ZNF460: variants seen among roughly 807,000 people sequenced by gnomAD.
ZNF460 encodes zinc finger protein 272.
Under a neutral mutation model 8.4 loss-of-function variants are expected in ZNF460, and 1 was observed. The observed-to-expected ratio is 0.12, with a 90% CI of 0.04 to 0.56. The LOEUF is 0.56. ZNF460 is among the 20% of genes least tolerant of loss of function. ZNF460 has a pLI of 0.91. For synonymous variants in ZNF460, 262 were observed against 259.9 expected (o/e 1.01, Z -0.08); for missense variants, 477 against 714.8 (o/e 0.67, Z 3.79).
At position 57,291,399 on chromosome 19, in the gene ZNF460, A is replaced by G; in HGVS notation, c.858A>G (p.Gly286=). 1.2e-6 allele frequency: 2 copies of G among 1,613,942 alleles called. No homozygotes were observed. The highest frequency in any genetic ancestry group is 2.2e-5 in the South Asian group (2 of 91,064). ...GEKPFVCNEC[G]KAFTYRSNFV... is the part of the protein sequence containing the mutation. ...AGCCTTTTGTGTGCAATGAATGTGGAAAGGCCTTTACCTACCGCTCCAATT... is the reference window on the plus strand; with the variant it reads ...AGCCTTTTGTGTGCAATGAATGTGGGAAGGCCTTTACCTACCGCTCCAATT... The change falls in exon 3 of 3, where the codon GGA becomes GGG. Residue 286 remains glycine, a synonymous_variant. Transcript: ENST00000360338. The surrounding 1 kb of genome is among the most constrained non-coding windows in gnomAD (Gnocchi z 8.4).
At chr19:57,284,750 C>T in intron 2 of ZNF460, 73 bp downstream of exon 2, 1 of 1,471,482 alleles carries the variant, frequency 6.8e-7, no homozygotes, top group Non-Finnish European at 9.0e-7. Flanking sequence ...CATCCTGGCT[C>T]CAGGCCTGGC....
At chr19:57,283,502 CTTT>C (rs926242067) in intron 1 of ZNF460, among the ~76,000 whole-genome samples, 12,866 of 67,534 alleles carry the variant, frequency 0.19, 491 homozygotes, top group Middle Eastern at 0.23. Flanking sequence ...TTTGACTATT[CTTT>C]TTTTTTTTTT....
Position 57,292,155 on chromosome 19 carries a change from A to C in ZNF460, c.1614A>C (p.Glu538Asp). 3 of 1,614,206 alleles carry C rather than the reference A, an allele frequency of 1.9e-6. No homozygotes were observed. The highest frequency in any genetic ancestry group is 2.5e-6 in the Non-Finnish European group (3 of 1,180,042). ...ESSPVSAVNM[E>D]TPSIAAHSSS... Reference sequence around the variant, plus strand: ...GCCCAGTGAGTGCAGTGAATATGGAAACGCCTTCAATTGCCGCTCATTCCT... The same window carrying C: ...GCCCAGTGAGTGCAGTGAATATGGACACGCCTTCAATTGCCGCTCATTCCT... Residue 538 changes from glutamate to aspartate, a missense_variant, in exon 3 of 3, where the codon GAA becomes GAC. Coordinates refer to ENST00000360338, the MANE Select transcript of ZNF460 (RefSeq NM_006635.4).
intron 2 of ZNF460, among the ~76,000 whole-genome samples, chr19:57,289,475 A>G (rs1236797542): frequency 6.6e-6 from 1 of 152,080 alleles, no homozygotes; most frequent in African/African-American, 2.4e-5. Flanking sequence ...TAAGCTCATG[A>G]AGCATCCTCT....
At chr19:57,284,291 T>A (rs2087863730) in intron 1 of ZNF460, among the ~76,000 whole-genome samples, 1 of 151,852 alleles carries the variant, frequency 6.6e-6, no homozygotes, top group Admixed American at 6.6e-5. Flanking sequence ...AGTGGCACGA[T>A]CTCAGCTCAC....
chr19:57,283,759 C>G (rs566138524), intron 1 of ZNF460, among the ~76,000 whole-genome samples: 110 of 151,990 alleles, frequency 7.2e-4, no homozygotes, highest in African/African-American at 2.4e-3. Flanking sequence ...GCCTCAGCCT[C>G]CCAGAGTGCT....
intron 2 of ZNF460, among the ~76,000 whole-genome samples, chr19:57,285,429 C>T (rs1043534106): frequency 2.0e-5 from 3 of 152,188 alleles, no homozygotes; most frequent in African/African-American, 7.2e-5. Context: ...TCACACATTC[C>T]TTGGCACTAC....
At chr19:57,282,373 G>C (rs998773493) in intron 1 of ZNF460, among the ~76,000 whole-genome samples, 24 of 152,090 alleles carry the variant, frequency 1.6e-4, no homozygotes, top group Admixed American at 1.2e-3. Context: ...CTTGTTGCTT[G>C]CTCATGGAAT....
At chr19:57,284,732 C>G in intron 2 of ZNF460, 55 bp downstream of exon 2, 1 of 1,511,434 alleles carries the variant, frequency 6.6e-7, no homozygotes. Context: ...CAGCTTCATT[C>G]TAGCCTTCAT....
intron 2 of ZNF460, among the ~76,000 whole-genome samples, chr19:57,290,035 G>A (rs1306963765): frequency 2.0e-5 from 3 of 151,970 alleles, no homozygotes; most frequent in Non-Finnish European, 4.4e-5. Flanking sequence ...AGCCACTTGG[G>A]AGGCTGATTC....
At chr19:57,289,996 C>T (rs183524194) in intron 2 of ZNF460, among the ~76,000 whole-genome samples, 14 of 151,994 alleles carry the variant, frequency 9.2e-5, no homozygotes, top group Admixed American at 9.2e-4. Context: ...AAAAATTAGC[C>T]CAGCATGGTG....
At chr19:57,284,369 T>C (rs2087864269) in intron 1 of ZNF460, among the ~76,000 whole-genome samples, 182 bp from the exon 2 acceptor site, 1 of 152,090 alleles carries the variant, frequency 6.6e-6, no homozygotes, top group Non-Finnish European at 1.5e-5. Flanking sequence ...TCTTCACTGC[T>C]GTAATCCATG....
chr19:57,291,075 T>C lies in ZNF460; in HGVS notation c.534T>C (p.Asn178=), dbSNP rs1343122467. 9.9e-6 allele frequency: 16 copies of C among 1,614,258 alleles called. No homozygotes were observed. The highest frequency in any genetic ancestry group is 1.7e-5 in the Admixed American group (1 of 60,030). ...ENSYKFEEMF[N]ENCFLVQHEQ... ...CCTATAAATTCGAGGAAATGTTTAA[T>C]GAGAATTGCTTCCTTGTTCAGCATG... The change falls in exon 3 of 3, where the codon AAT becomes AAC. Residue 178 remains asparagine, a synonymous_variant. Coordinates refer to ENST00000360338, the MANE Select transcript of ZNF460 (RefSeq NM_006635.4). This position sits in a 1 kb window ranked among gnomAD's most constrained non-coding sequence, Gnocchi z 8.4.
At position 57,284,400 on chromosome 19, in the gene ZNF460, C is replaced by T. The variant is rs187673285; in HGVS notation, c.31-151C>T. 237 of 946,700 alleles carry T rather than the reference C, an allele frequency of 2.5e-4. 1 individual carries two copies. In the African/African-American group the frequency reaches 3.3e-3, roughly 13 times the overall value. The allele number at this position is 946,700 out of a possible 1,614,324, so 58.6% of individuals were successfully genotyped here. A position where few individuals can be genotyped will look rare whatever the true frequency, so the allele number is the denominator to read the frequency against. ...CCATGCAAGGCAGTGTCCACATTCC[C>T]CTTGATCCTAGCACAGATCTTGGCC... On this transcript the variant is annotated intron_variant, in intron 1 of 2. Coordinates refer to ENST00000360338, the MANE Select transcript of ZNF460 (RefSeq NM_006635.4).
At chr19:57,286,312 C>G (rs1235769536) in intron 2 of ZNF460, among the ~76,000 whole-genome samples, 1 of 152,068 alleles carries the variant, frequency 6.6e-6, no homozygotes, top group Non-Finnish European at 1.5e-5. Context: ...GGTCTGCGAT[C>G]AGTGGTGTTT....
Position 57,293,379 on chromosome 19 carries a change from A to G in ZNF460, c.*1149A>G, listed in dbSNP as rs1268153815. ...AAGTGACTGGAATTTTAACAGGTGA[A>G]CCTGCATATGTATATGCAGGTAGTT... On this transcript the variant is annotated 3_prime_UTR_variant, in exon 3 of 3. Coordinates refer to ENST00000360338, the MANE Select transcript of ZNF460 (RefSeq NM_006635.4). 1 of 152,192 alleles carries G rather than the reference A, an allele frequency of 6.6e-6. No individual in the cohort carries two copies. The highest frequency in any genetic ancestry group is 2.4e-5 in the African/African-American group (1 of 41,454). 9.4% of individuals were successfully genotyped at this position (152,192 alleles called of 1,614,324 possible). A position where few individuals can be genotyped will look rare whatever the true frequency, so the allele number is the denominator to read the frequency against.
At chr19:57,284,041 C>T (rs1290906966) in intron 1 of ZNF460, among the ~76,000 whole-genome samples, 1 of 151,952 alleles carries the variant, frequency 6.6e-6, no homozygotes, top group Non-Finnish European at 1.5e-5. Context: ...GATACTGTTC[C>T]TGTTATTGTT....
chr19:57,281,338 C>T (rs568204336), intron 1 of ZNF460, among the ~76,000 whole-genome samples: 3 of 152,072 alleles, frequency 2.0e-5, no homozygotes, highest in South Asian at 2.1e-4. Context: ...CCTTTTTTGG[C>T]AATTCCGGCT....
At chr19:57,280,976 C>G in intron 1 of ZNF460, 140 bp downstream of exon 1, 1 of 1,263,124 alleles carries the variant, frequency 7.9e-7, no homozygotes, top group Non-Finnish European at 1.1e-6. Flanking sequence ...CTTGTCATTT[C>G]CTTTATCCGC....
Sources: allele counts gnomAD v4.1 joint callset (sites outside exome capture counted in the v4.1 genomes callset), GRCh38; gene constraint gnomAD v4.1.1; non-coding constraint Gnocchi (gnomAD v3.1); transcripts MANE v1.5; gene names NCBI Gene and HGNC (gene_info 2026-07-23, HGNC 2026-07-21).